The following VAPA variants were observed in gnomAD, a reference collection of about 807,000 sequenced individuals.
VAPA encodes the protein VAMP associated protein A, also known as vesicle-associated membrane protein-associated protein A.
In VAPA, 6 loss-of-function variants were observed where a neutral mutation model predicts 25.6. That is an observed-to-expected ratio of 0.23 (90% CI 0.13 to 0.46). The LOEUF (loss-of-function observed/expected upper bound fraction) is 0.46, where lower values mean the gene tolerates loss of function less well. VAPA is among the 20% of genes least tolerant of loss of function. The pLI, the probability that VAPA is intolerant of heterozygous loss-of-function variation, is 0.99. For missense variants in VAPA, 244 were observed against 302.1 expected (o/e 0.81, Z 1.43); for synonymous variants, 112 against 106.2 (o/e 1.05, Z -0.34).
chr18:9,916,461 G>A (rs940499309), intron 1 of VAPA, among the ~76,000 whole-genome samples: 1 of 152,180 alleles, frequency 6.6e-6, no homozygotes, highest in Non-Finnish European at 1.5e-5. Flanking sequence ...TTCAGGGGAG[G>A]TTTAGGCCAA....
chr18:9,922,752 T>G (rs2143296768), intron 1 of VAPA, among the ~76,000 whole-genome samples: 1 of 152,010 alleles, frequency 6.6e-6, no homozygotes, highest in African/African-American at 2.4e-5. Context: ...GGCAGAGAGG[T>G]CTTTTGATCC....
Position 9,955,114 on chromosome 18 carries a change from T to TG in VAPA, c.*904dup, listed in dbSNP as rs1273096599. 9.2e-5 allele frequency: 14 copies of TG among 152,346 alleles called. No homozygotes were observed. The highest frequency in any genetic ancestry group is 3.4e-4 in the African/African-American group (14 of 41,594). 9.4% of individuals were successfully genotyped at this position (152,346 alleles called of 1,614,324 possible). ...GTGTACAGCATGGCTGTGCTCCATC[T>TG]GATTTACCCCATTCTTAAGTTCTGA... On this transcript the variant is annotated 3_prime_UTR_variant, in exon 6 of 6. Transcript: ENST00000400000.
intron 4 of VAPA, among the ~76,000 whole-genome samples, chr18:9,945,382 A>C (rs1048285958): frequency 1.5e-5 from 1 of 68,196 alleles, no homozygotes; most frequent in Admixed American, 2.3e-4. Flanking sequence ...TTTTTTTGAG[A>C]TGGAGTCTCG....
rs118051135 is a variant in VAPA, at chr18:9,917,083, A to G, written c.79+2748A>G. Among the ~76,000 whole-genome samples the G allele has an allele frequency of 7.8e-3, 1,183 of 152,362 alleles. 9 individuals are homozygous for G. The highest frequency in any genetic ancestry group is 0.022 in the South Asian group (107 of 4,832). ...CATATAAAAGTGCATTTACGATGTA[A>G]TGAATTCTGAAGTAGATCACTTGTG... On this transcript the variant is annotated intron_variant, in intron 1 of 5. Transcript: ENST00000400000.
chr18:9,939,712 C>T (rs1190875276), intron 4 of VAPA, among the ~76,000 whole-genome samples: 1 of 152,034 alleles, frequency 6.6e-6, no homozygotes, highest in Non-Finnish European at 1.5e-5. Flanking sequence ...CGATTTGCTC[C>T]TCTGGGGACC....
chr18:9,951,430 G>GT (rs2069489308), intron 5 of VAPA: 1 of 152,230 alleles, frequency 6.6e-6, no homozygotes, highest in Non-Finnish European at 1.5e-5. Context: ...GCTCTTACTT[G>GT]TTAGAGGCCT....
chr18:9,914,172 G>A lies in VAPA; in HGVS notation c.-85G>A, dbSNP rs1364758323. On this transcript the variant is annotated 5_prime_UTR_variant, in exon 1 of 6. Coordinates refer to ENST00000400000, the MANE Select transcript of VAPA (RefSeq NM_194434.3). ...CGAGCCTGGCCTCGTCCTAGAGCTC[G>A]GCCGAGCCGTCGCCGCCGTCGTCCC... is the stretch of plus-strand genomic sequence containing the variant. 2.3e-6 allele frequency: 3 copies of A among 1,278,474 alleles called. No homozygotes were observed. The highest frequency in any genetic ancestry group is 3.0e-5 in the East Asian group (1 of 33,070). The allele number at this position is 1,278,474 out of a possible 1,614,324, so 79.2% of individuals were successfully genotyped here.
At chr18:9,953,680 T>G (rs540747843) in intron 5 of VAPA, among the ~76,000 whole-genome samples, 47 of 152,310 alleles carry the variant, frequency 3.1e-4, no homozygotes, top group African/African-American at 1.1e-3. Context: ...TACTCTTCTT[T>G]AATTATATTT....
intron 1 of VAPA, among the ~76,000 whole-genome samples, chr18:9,924,419 T>C (rs1432408724): frequency 1.3e-5 from 2 of 152,222 alleles, no homozygotes; most frequent in Non-Finnish European, 2.9e-5. Flanking sequence ...TATTGTTCTT[T>C]GGAAGTTTAG....
At chr18:9,952,189 CT>C (rs1168618127) in intron 5 of VAPA, among the ~76,000 whole-genome samples, 4 of 152,160 alleles carry the variant, frequency 2.6e-5, no homozygotes, top group Non-Finnish European at 4.4e-5. Context: ...GTGAGAGAGA[CT>C]TTATTCCTGG....
chr18:9,934,924 C>A (rs973242318), intron 2 of VAPA, among the ~76,000 whole-genome samples: 26 of 151,962 alleles, frequency 1.7e-4, no homozygotes, highest in Non-Finnish European at 3.7e-4. Flanking sequence ...GAAACCCCGT[C>A]TCTACTAAAA....
At chr18:9,949,406 A>AGT (rs1555617597) in intron 4 of VAPA, 1 of 152,192 alleles carries the variant, frequency 6.6e-6, no homozygotes, top group African/African-American at 2.4e-5. Context: ...CTTCATAAGA[A>AGT]TAACAAGTTT....
Position 9,954,151 on chromosome 18 carries a change from A to G in VAPA, c.690A>G (p.Ser230=), listed in dbSNP as rs750038568. The change falls in exon 6 of 6, where the codon TCA becomes TCG. Residue 230 remains serine, a synonymous_variant. Coordinates refer to ENST00000400000, the MANE Select transcript of VAPA (RefSeq NM_194434.3). ...FRDNVTSPLP[S]LLVVIAAIFI... is the part of the protein sequence containing the mutation. ...ATAATGTCACCAGTCCTCTTCCTTC[A>G]CTTCTTGTTGTAATTGCAGCCATTT... 5 of 1,613,604 alleles carry G rather than the reference A, an allele frequency of 3.1e-6. No homozygotes were observed. The highest frequency in any genetic ancestry group is 4.2e-6 in the Non-Finnish European group (5 of 1,179,814).
intron 2 of VAPA, among the ~76,000 whole-genome samples, chr18:9,932,182 TCA>T (rs2069262175): frequency 6.6e-6 from 1 of 152,218 alleles, no homozygotes; most frequent in Non-Finnish European, 1.5e-5. Context: ...GAAATTATTG[TCA>T]ATTACAAACT....
intron 1 of VAPA, among the ~76,000 whole-genome samples, chr18:9,916,909 A>T (rs537902399): frequency 4.6e-5 from 7 of 152,220 alleles, no homozygotes; most frequent in South Asian, 2.1e-4. Flanking sequence ...CTGAGATTGG[A>T]TGGTTTTTCT....
intron 4 of VAPA, among the ~76,000 whole-genome samples, chr18:9,941,060 G>A (rs1391450358): frequency 1.3e-5 from 2 of 152,002 alleles, no homozygotes. Context: ...ATCACATTGC[G>A]TATTTGCCTA....
rs1312603043 is a variant in VAPA at position 9,955,537 on chromosome 18, T to C, written c.*1326T>C. On this transcript the variant is annotated 3_prime_UTR_variant, in exon 6 of 6. Coordinates refer to ENST00000400000, the MANE Select transcript of VAPA (RefSeq NM_194434.3). ...ACAATCTAGTACAAGTGAATTTTTA[T>C]TCTTAAACATAGGTGTGTTGGCTCT... The C allele has an allele frequency of 6.6e-6, 1 of 152,212 alleles. No individual in the cohort carries two copies. The highest frequency in any genetic ancestry group is 1.9e-4 in the East Asian group (1 of 5,192). The allele number at this position is 152,212 out of a possible 1,614,324, so 9.4% of individuals were successfully genotyped here.
chr18:9,917,501 G>A (rs570430152), intron 1 of VAPA, among the ~76,000 whole-genome samples: 2 of 152,242 alleles, frequency 1.3e-5, no homozygotes, highest in South Asian at 4.1e-4. Context: ...GGCTGGCCTC[G>A]AACTTCTGAC....
rs1253861411 is a variant in VAPA at position 9,955,914 on chromosome 18, G to C, written c.*1703G>C. On this transcript the variant is annotated 3_prime_UTR_variant, in exon 6 of 6. Coordinates refer to ENST00000400000, the MANE Select transcript of VAPA (RefSeq NM_194434.3). The stretch of plus-strand genomic sequence containing the variant: ...TAAAAATCCCCCTCTCCCCTTTTCT[G>C]GTAACTGGAAAAGCATGCTAAAAAT... 6.6e-6 allele frequency: 1 copy of C among 151,990 alleles called. No homozygotes were observed. The highest frequency in any genetic ancestry group is 2.1e-4 in the South Asian group (1 of 4,814). The allele number at this position is 151,990 out of a possible 1,614,324, so 9.4% of individuals were successfully genotyped here. A position where few individuals can be genotyped will look rare whatever the true frequency, so the allele number is the denominator to read the frequency against.
Sources: allele counts gnomAD v4.1 joint callset (sites outside exome capture counted in the v4.1 genomes callset), GRCh38; gene constraint gnomAD v4.1.1; transcripts MANE v1.5; gene names NCBI Gene and HGNC (gene_info 2026-07-23, HGNC 2026-07-21).